DEFB121: variants seen among roughly 807,000 people sequenced by gnomAD.
DEFB121 encodes defensin beta 121, also known as beta-defensin 121.
DEFB121 carries 5 observed loss-of-function variants against 2.5 expected under a neutral mutation model. The ratio of observed to expected loss-of-function variants is 1.96; its 90% CI spans 1.03 to 4.13. DEFB121 has a LOEUF of 4.13. DEFB121 is among the 30% of genes most tolerant of loss of function. The probability of loss-of-function intolerance (pLI) is 0.00; values close to 1 mark genes in which losing one functional copy is unlikely to be tolerated. For synonymous variants in DEFB121, 39 were observed against 32.6 expected, an observed-to-expected ratio of 1.20 and a Z score of -0.67; for missense variants, 87 against 85.0, an observed-to-expected ratio of 1.02 and a Z score of -0.09.
At chr20:31,414,954 G>A (rs145575142), upstream of DEFB121, among the ~76,000 whole-genome samples, 3 of 152,286 alleles carry the variant, frequency 2.0e-5, no homozygotes, top group Non-Finnish European at 4.4e-5. Context: ...GGGACAGTGG[G>A]GAGGTGGTGC....
chr20:31,410,860 G>A (rs1213239044), upstream of DEFB121, among the ~76,000 whole-genome samples: 1 of 151,798 alleles, frequency 6.6e-6, no homozygotes, highest in Non-Finnish European at 1.5e-5. Flanking sequence ...GAGAGAAAGA[G>A]AGCAACTCAT....
At chr20:31,417,897 A>T in the DEFB121 span, among the ~76,000 whole-genome samples, 4 of 151,998 alleles carry the variant, frequency 2.6e-5, no homozygotes, top group Admixed American at 2.6e-4. Context: ...CAGGAGAAGG[A>T]GGTTGCAGTG....
chr20:31,405,595 T>C (rs1344637508), intron 1 of DEFB121, among the ~76,000 whole-genome samples: 3 of 152,164 alleles, frequency 2.0e-5, no homozygotes, highest in Admixed American at 6.5e-5. Flanking sequence ...CCTGGGACTT[T>C]TCTCTGGCCC....
At chr20:31,405,317 T>C (rs73248506) in intron 1 of DEFB121, among the ~76,000 whole-genome samples, 5,260 of 151,360 alleles carry the variant, frequency 0.035, 317 homozygotes, top group African/African-American at 0.12. Context: ...CTCAGTGGCA[T>C]AGGACCTACT....
chr20:31,413,195 T>G (rs1190305998), upstream of DEFB121, among the ~76,000 whole-genome samples: 1 of 152,222 alleles, frequency 6.6e-6, no homozygotes, highest in Non-Finnish European at 1.5e-5. Flanking sequence ...TGCGGGGAGA[T>G]GAGGCCAGAA....
rs1039208212 is a variant in DEFB121, at chr20:31,405,033, A to G, written c.111T>C (p.Ser37=). 1.1e-5 allele frequency: 17 copies of G among 1,611,274 alleles called. No homozygotes were observed. The highest frequency in any genetic ancestry group is 2.2e-5 in the East Asian group (1 of 44,794). The change falls in exon 2 of 2, where the codon AGT becomes AGC. Residue 37 remains serine (S), a synonymous_variant. Coordinates refer to ENST00000376314, the MANE Select transcript of DEFB121 (RefSeq NM_001011878.3). The part of the protein sequence containing the change: ...SGRCRTTCKE[S]EVYYILCKTE... The stretch of plus-strand genomic sequence containing the variant: ...TTTTGCATAATATATAGTATACTTC[A>G]CTTTCTTTACATGTTGTTCTGCACC...
At chr20:31,411,406 T>A (rs1387439141) in intron 1 of DEFB121, among the ~76,000 whole-genome samples, 12 of 152,200 alleles carry the variant, frequency 7.9e-5, no homozygotes, top group Non-Finnish European at 1.5e-5. Flanking sequence ...TAAACCATTT[T>A]AAAAGGATAG....
upstream of DEFB121, among the ~76,000 whole-genome samples, chr20:31,409,886 C>CA (rs1978609336): frequency 6.6e-6 from 1 of 152,024 alleles, no homozygotes; most frequent in African/African-American, 2.4e-5. Flanking sequence ...TCTACAGTGA[C>CA]AAAAAACAGA....
upstream of DEFB121, among the ~76,000 whole-genome samples, chr20:31,416,155 G>T (rs1469425165): frequency 1.3e-5 from 2 of 152,098 alleles, no homozygotes; most frequent in African/African-American, 4.8e-5. Context: ...CCACCTCTGG[G>T]GTTCAAGCAA....
upstream of DEFB121, among the ~76,000 whole-genome samples, chr20:31,416,317 T>A (rs1978804152): frequency 6.6e-6 from 1 of 152,194 alleles, no homozygotes; most frequent in Non-Finnish European, 1.5e-5. Flanking sequence ...CGCTTTGGCC[T>A]CCCAAAGTGC....
chr20:31,412,603 A>T, intron 1 of DEFB121: 1 of 1,290,728 alleles, frequency 7.7e-7, no homozygotes, highest in Non-Finnish European at 1.0e-6. Context: ...AGTTACTGTT[A>T]TTTACTATGA....
upstream of DEFB121, among the ~76,000 whole-genome samples, chr20:31,414,451 A>C (rs1978749218): frequency 6.6e-6 from 1 of 152,220 alleles, no homozygotes; most frequent in Non-Finnish European, 1.5e-5. Context: ...AACAAGCTAA[A>C]TGTCCATCAA....
upstream of DEFB121, among the ~76,000 whole-genome samples, chr20:31,407,043 C>T (rs756439925): frequency 7.2e-5 from 11 of 152,106 alleles, no homozygotes; most frequent in South Asian, 6.2e-4. Context: ...TTCAGGAGAT[C>T]GAGACCATCC....
At chr20:31,418,455 A>G in the DEFB121 span, among the ~76,000 whole-genome samples, 1 of 152,160 alleles carries the variant, frequency 6.6e-6, no homozygotes. Context: ...AACTCTAGAT[A>G]GAAAACTGGC....
upstream of DEFB121, among the ~76,000 whole-genome samples, chr20:31,416,407 T>A (rs1047261851): frequency 6.6e-6 from 1 of 152,210 alleles, no homozygotes; most frequent in Non-Finnish European, 1.5e-5. Flanking sequence ...CTGTTTGATA[T>A]ATTGAGTTTC....
chr20:31,412,380 C>G (rs1181872789), intron 1 of DEFB121, among the ~76,000 whole-genome samples: 2 of 152,174 alleles, frequency 1.3e-5, no homozygotes, highest in East Asian at 1.9e-4. Context: ...AGATTTGGAG[C>G]CAGACAAATC....
At chr20:31,411,873 C>T (rs1978675204) in intron 1 of DEFB121, among the ~76,000 whole-genome samples, 1 of 152,244 alleles carries the variant, frequency 6.6e-6, no homozygotes, top group East Asian at 1.9e-4. Flanking sequence ...TCATTCCCCT[C>T]TTCTTGAGCC....
upstream of DEFB121, among the ~76,000 whole-genome samples, chr20:31,417,398 T>C (rs1348657124): frequency 6.6e-6 from 1 of 151,606 alleles, no homozygotes; most frequent in African/African-American, 2.4e-5. Context: ...AAATTAAAAG[T>C]ACAAAGATGA....
chr20:31,415,318 C>T (rs954270880), upstream of DEFB121, among the ~76,000 whole-genome samples: 4 of 150,398 alleles, frequency 2.7e-5, no homozygotes, highest in Middle Eastern at 6.8e-3. Flanking sequence ...GGTACGATCT[C>T]GGCTCACTGT....
Sources: gnomAD v4.1 joint callset for allele counts (sites outside exome capture counted in the v4.1 genomes callset) on GRCh38, gnomAD v4.1.1 for gene constraint, MANE v1.5 for transcripts, NCBI Gene and HGNC (gene_info 2026-07-23, HGNC 2026-07-21) for gene names.